The following ZNF469 variants were observed in gnomAD, a reference collection of about 807,000 sequenced individuals.
ZNF469 encodes the protein zinc finger protein 469.
Under a neutral mutation model 1.0 loss-of-function variants are expected in ZNF469, and 1 was observed. The observed-to-expected ratio is 1.00, with a 90% confidence interval of 0.35 to 4.73. The LOEUF is 4.73. ZNF469 is among the 30% of genes most tolerant of loss of function. The pLI is 0.16. For synonymous variants in ZNF469, 2,703 were observed against 2,363.4 expected, an observed-to-expected ratio of 1.14 and a Z score of -4.17; for missense variants, 6,100 against 5,356.3, an observed-to-expected ratio of 1.14 and a Z score of -4.33.
chr16:88,431,355 G>A lies in ZNF469; in HGVS notation c.3885G>A (p.Thr1295=), dbSNP rs1262309874. ...CGGCGCCCCACGGAAGCTCGCCAAC[G>A]CCAGGTGTGGGCAGCCTGCTGGGTG... is the stretch of plus-strand genomic sequence containing the variant. ...ANTAPHGSSP[T]PGVGSLLGGP... Residue 1295 remains threonine, a synonymous_variant, in exon 3 of 3, where the codon ACG becomes ACA. Coordinates refer to ENST00000565624, the MANE Select transcript of ZNF469 (RefSeq NM_001367624.2). 7 of 1,549,512 alleles carry A rather than the reference G, an allele frequency of 4.5e-6. No homozygotes were observed. Among genetic ancestry groups the A allele is most frequent in the East Asian group, 2.4e-5 (1 of 40,912 alleles).
chr16:88,336,579 G>T, the ZNF469 span, among the ~76,000 whole-genome samples: 1 of 151,664 alleles, frequency 6.6e-6, no homozygotes, highest in Non-Finnish European at 1.5e-5. Context: ...CTTCATGTGA[G>T]ACACTGACAT....
Position 88,436,509 on chromosome 16 carries a change from C to A in ZNF469, c.9039C>A (p.Leu3013=). ...PAPADDSSSS[L]GDVSPEPPSL... is the part of the protein sequence containing the mutation. ...CTGCCGATGACTCCTCCTCTTCTCT[C>A]GGAGATGTGAGCCCCGAGCCCCCCA... Residue 3013 remains leucine (L), a synonymous_variant, in exon 3 of 3, where the codon CTC becomes CTA. Coordinates refer to ENST00000565624, the MANE Select transcript of ZNF469 (RefSeq NM_001367624.2). 6.5e-7 allele frequency: 1 copy of A among 1,548,688 alleles called. No individual in the cohort carries two copies.
the ZNF469 span, among the ~76,000 whole-genome samples, chr16:88,298,919 A>C: frequency 2.6e-5 from 4 of 152,150 alleles, no homozygotes; most frequent in Admixed American, 2.0e-4. Flanking sequence ...CCCTCACAGA[A>C]GGTTTGGTGG....
chr16:88,224,713 C>T, the ZNF469 span, among the ~76,000 whole-genome samples: 1 of 152,170 alleles, frequency 6.6e-6, no homozygotes, highest in African/African-American at 2.4e-5. Flanking sequence ...GTGTGTGTGT[C>T]CATGTGTGTC....
At chr16:88,269,716 TC>T in the ZNF469 span, among the ~76,000 whole-genome samples, 1 of 151,850 alleles carries the variant, frequency 6.6e-6, no homozygotes, top group Non-Finnish European at 1.5e-5. Context: ...TGCTGACCAA[TC>T]CCCCCAGCAC....
the ZNF469 span, among the ~76,000 whole-genome samples, chr16:88,265,756 G>A: frequency 1.2e-4 from 19 of 152,334 alleles, no homozygotes; most frequent in Admixed American, 6.5e-4. Flanking sequence ...TCTGCACCTC[G>A]GGAGGCGGCG....
At chr16:88,138,415 G>T in the ZNF469 span, among the ~76,000 whole-genome samples, 4,131 of 152,316 alleles carry the variant, frequency 0.027, 181 homozygotes, top group African/African-American at 0.095. Flanking sequence ...ATTACACAGA[G>T]TCCTAGCCCC....
At position 88,431,984 on chromosome 16, in the gene ZNF469, A is replaced by AG; in HGVS notation, c.4516dup (p.Glu1506GlyfsTer8). 6.5e-7 allele frequency: 1 copy of AG among 1,549,498 alleles called. No individual in the cohort carries two copies. Among genetic ancestry groups the AG allele is most frequent in the Non-Finnish European group, 8.7e-7 (1 of 1,146,924 alleles). On this transcript the variant is annotated frameshift_variant, in exon 3 of 3. Coordinates refer to ENST00000565624, the MANE Select transcript of ZNF469 (RefSeq NM_001367624.2). LOFTEE classifies it low-confidence loss of function (END_TRUNC). ...CCGTACCCCTCTTTTTTGCTGCTTG[A>AG]GGAAGTATCCCCGATGCTGCCTAGC...
intron 1 of ZNF469, among the ~76,000 whole-genome samples, chr16:88,402,081 AGATG>A (rs36187526): frequency 0.31 from 43,863 of 141,630 alleles, 1,940 homozygotes; most frequent in African/African-American, 0.42. Flanking sequence ...GATAGATGGT[AGATG>A]GATGGGTGGG....
chr16:88,159,847 G>T, the ZNF469 span, among the ~76,000 whole-genome samples: 407 of 152,248 alleles, frequency 2.7e-3, 3 homozygotes, highest in African/African-American at 9.4e-3. Flanking sequence ...AAGCAAGGAT[G>T]GTCCCTGAGG....
the ZNF469 span, among the ~76,000 whole-genome samples, chr16:88,244,931 C>T: frequency 6.4e-4 from 97 of 151,968 alleles, no homozygotes; most frequent in African/African-American, 2.3e-3. Flanking sequence ...AAGTAGTGCA[C>T]AACCCTGGGA....
rs1211673053 is a variant in ZNF469, at chr16:88,429,358, G to A, written c.1888G>A (p.Gly630Arg). The A allele has an allele frequency of 1.5e-5, 23 of 1,549,656 alleles. No homozygotes were observed. The highest frequency in any genetic ancestry group is 9.5e-5 in the South Asian group (8 of 84,054). Residue 630 changes from glycine to arginine, a missense_variant, in exon 3 of 3, where the codon GGG becomes AGG. Gly to Arg is a moderately radical substitution (Grantham distance 125). Transcript: ENST00000565624. ...GGAAAGCCAGCTCCCCGGCCCCCTCGGGCCCTCGGCCTTCTTCCACCCACC... is the reference window on the plus strand; with the variant it reads ...GGAAAGCCAGCTCCCCGGCCCCCTCAGGCCCTCGGCCTTCTTCCACCCACC... Reference protein sequence around the residue: ...SEESQLPGPLGPSAFFHPPTH... With the variant: ...SEESQLPGPLRPSAFFHPPTH...
intron 1 of ZNF469, among the ~76,000 whole-genome samples, chr16:88,394,155 A>G (rs1209790552): frequency 6.7e-6 from 1 of 148,194 alleles, no homozygotes; most frequent in Non-Finnish European, 1.5e-5. Flanking sequence ...GCGCTGTCCG[A>G]GAGGGATGGG....
At position 88,436,098 on chromosome 16, in the gene ZNF469, T is replaced by C; in HGVS notation, c.8628T>C (p.His2876=). The C allele has an allele frequency of 6.5e-7, 1 of 1,549,332 alleles. No homozygotes were observed. The highest frequency in any genetic ancestry group is 8.7e-7 in the Non-Finnish European group (1 of 1,146,956). The change falls in exon 3 of 3, where the codon CAT becomes CAC. Residue 2876 remains histidine, a synonymous_variant. Transcript: ENST00000565624. The part of the protein sequence containing the change: ...GGRLTRKRNP[H]VYGKRCEKPV... ...GCTTGACTAGAAAGAGGAACCCGCATGTCTACGGGAAGCGCTGTGAGAAGC... is the reference window on the plus strand; with the variant it reads ...GCTTGACTAGAAAGAGGAACCCGCACGTCTACGGGAAGCGCTGTGAGAAGC...
chr16:88,324,148 T>C, the ZNF469 span, among the ~76,000 whole-genome samples: 1 of 152,324 alleles, frequency 6.6e-6, no homozygotes, highest in African/African-American at 2.4e-5. Context: ...CCACGGGGCC[T>C]GTTCGGGGCT....
Position 88,436,157 on chromosome 16 carries a change from A to G in ZNF469, c.8687A>G (p.Glu2896Gly), listed in dbSNP as rs565789702. ...CCGCTGCCAACCCAGCCCAGCTTTG[A>G]GGAGGGCGGTGACCCCACGCTGGGC... ...VLPLPTQPSF[E>G]EGGDPTLGPA... Residue 2896 changes from glutamate (E) to glycine (G), a missense_variant, in exon 3 of 3, where the codon GAG (glutamate) becomes GGG (glycine). By Grantham distance (98) the Glu-to-Gly change is moderately conservative. Coordinates refer to ENST00000565624, the MANE Select transcript of ZNF469 (RefSeq NM_001367624.2). 22 of 1,547,882 alleles carry G rather than the reference A, an allele frequency of 1.4e-5. No homozygotes were observed. The African/African-American group carries it at 2.9e-4, about 20-fold the overall frequency.
the ZNF469 span, among the ~76,000 whole-genome samples, chr16:88,320,160 A>T: frequency 2.0e-5 from 3 of 152,362 alleles, no homozygotes; most frequent in African/African-American, 7.2e-5. Context: ...GAAGTTAAAC[A>T]GGCTGAGTGC....
chr16:88,260,064 G>A, the ZNF469 span, among the ~76,000 whole-genome samples: 1 of 151,592 alleles, frequency 6.6e-6, no homozygotes, highest in Non-Finnish European at 1.5e-5. The surrounding 1 kb of genome is among the most constrained non-coding windows in gnomAD (Gnocchi z 4.1). Context: ...TGAAACCTCC[G>A]CCTCCCGGGT....
intron 1 of ZNF469, among the ~76,000 whole-genome samples, chr16:88,401,554 C>T (rs111304697): frequency 2.4e-5 from 1 of 42,462 alleles, no homozygotes. Context: ...TGGATGGATG[C>T]ATGGGTGGAT....
Sources: allele counts gnomAD v4.1 joint callset (sites outside exome capture counted in the v4.1 genomes callset), GRCh38; gene constraint gnomAD v4.1.1; non-coding constraint Gnocchi (gnomAD v3.1); transcripts MANE v1.5; gene names NCBI Gene and HGNC (gene_info 2026-07-23, HGNC 2026-07-21).